The following EIF2AK4 variants were observed in gnomAD, a reference collection of about 807,000 sequenced individuals.
The protein encoded by EIF2AK4 is eukaryotic translation initiation factor 2 alpha kinase 4.
Under a neutral mutation model 211.1 loss-of-function variants are expected in EIF2AK4, and 139 were observed. The observed-to-expected ratio is 0.66, with a 90% CI of 0.57 to 0.76. EIF2AK4 has a LOEUF of 0.76. Among genes scored for constraint, EIF2AK4 ranks in the 30% least tolerant of loss-of-function variants. EIF2AK4 has a pLI of 0.00. For missense variants in EIF2AK4, 1,664 were observed against 2,043.8 expected, an observed-to-expected ratio of 0.81 and a Z score of 3.58; for synonymous variants, 710 against 751.3, an observed-to-expected ratio of 0.94 and a Z score of 0.90.
At chr15:40,014,329 C>T (rs1233580736) in intron 27 of EIF2AK4, among the ~76,000 whole-genome samples, 1 of 152,262 alleles carries the variant, frequency 6.6e-6, no homozygotes, top group African/African-American at 2.4e-5. Flanking sequence ...GAGCCCCACC[C>T]CTGCAGCAAA....
intron 16 of EIF2AK4, among the ~76,000 whole-genome samples, chr15:39,990,709 T>C (rs1474264769): frequency 6.6e-6 from 1 of 152,250 alleles, no homozygotes; most frequent in African/African-American, 2.4e-5. Context: ...CAGAGGCTTT[T>C]GTTGGTTTGG....
At chr15:39,943,279 A>T in intron 2 of EIF2AK4, 104 bp from the exon 3 acceptor site, 1 of 821,628 alleles carries the variant, frequency 1.2e-6, no homozygotes, top group Non-Finnish European at 1.8e-6. Flanking sequence ...TTTGAGATTA[A>T]GGGCCTTGGG....
At chr15:39,964,799 A>C (rs1403264541) in intron 7 of EIF2AK4, among the ~76,000 whole-genome samples, 2 of 152,202 alleles carry the variant, frequency 1.3e-5, no homozygotes, top group Non-Finnish European at 2.9e-5. Flanking sequence ...ACTATCACTA[A>C]ATAAATGTGT....
intron 19 of EIF2AK4, among the ~76,000 whole-genome samples, chr15:39,997,982 C>T (rs1294554856): frequency 6.6e-6 from 1 of 152,180 alleles, no homozygotes; most frequent in Non-Finnish European, 1.5e-5. Flanking sequence ...TAAGAATACT[C>T]CTGTATTCCA....
chr15:39,968,891 T>TATATATATATAC lies in EIF2AK4; in HGVS notation c.1553+1013_1553+1014insTATATATATACA, dbSNP rs139536340. Among the ~76,000 whole-genome samples the TATATATATATAC allele has an allele frequency of 6.0e-3, 902 of 149,170 alleles. 16 individuals are homozygous for TATATATATATAC. Among genetic ancestry groups the TATATATATATAC allele is most frequent in the African/African-American group, 0.021 (846 of 40,790 alleles). ...TGAATATGATATATATATATATATA[T>TATATATATATAC]ACACACACATACATACAGTTGTGGA... On this transcript the variant is annotated intron_variant, in intron 9 of 38. Transcript: ENST00000263791.
chr15:39,993,925 T>C (rs750956684), intron 18 of EIF2AK4, among the ~76,000 whole-genome samples: 5 of 152,112 alleles, frequency 3.3e-5, no homozygotes, highest in Non-Finnish European at 5.9e-5. Flanking sequence ...ATGGAAGGGA[T>C]GTTGGATGAG....
At chr15:40,014,397 C>T (rs931528792) in intron 27 of EIF2AK4, among the ~76,000 whole-genome samples, 7 of 152,230 alleles carry the variant, frequency 4.6e-5, no homozygotes, top group African/African-American at 1.7e-4. Flanking sequence ...GCGGAGGTTC[C>T]CAAACCTCAA....
At chr15:39,994,927 C>T (rs561211196) in intron 18 of EIF2AK4, among the ~76,000 whole-genome samples, 1 of 152,050 alleles carries the variant, frequency 6.6e-6, no homozygotes, top group Admixed American at 6.5e-5. Flanking sequence ...CTGCAACCTC[C>T]GCCTCCCAGG....
In EIF2AK4 at chr15:39,967,619, C is replaced by T. The variant is rs2034563068; in HGVS notation, c.1293C>T (p.Val431=). The change falls in exon 9 of 39, where the codon GTC becomes GTT. Residue 431 remains valine (V), a synonymous_variant. Coordinates refer to ENST00000263791, the MANE Select transcript of EIF2AK4 (RefSeq NM_001013703.4). ...VVHKVLSASN[V]LVDAEGTVKI... Reference sequence around the variant, plus strand: ...ATAAGGTCCTGAGTGCATCTAATGTCTTGGTGGATGCAGAAGGCACCGTCA... The same window carrying T: ...ATAAGGTCCTGAGTGCATCTAATGTTTTGGTGGATGCAGAAGGCACCGTCA... 6.2e-7 allele frequency: 1 copy of T among 1,614,158 alleles called. No homozygotes were observed. Among genetic ancestry groups the T allele is most frequent in the African/African-American group, 1.3e-5 (1 of 75,030 alleles).
chr15:39,941,225 TC>T (rs2034140392), intron 2 of EIF2AK4, among the ~76,000 whole-genome samples: 1 of 152,206 alleles, frequency 6.6e-6, no homozygotes. Flanking sequence ...AACTTGATCT[TC>T]AGCCCCCTAC....
intron 13 of EIF2AK4, among the ~76,000 whole-genome samples, chr15:39,982,189 G>A (rs1418768678): frequency 2.0e-5 from 3 of 152,198 alleles, no homozygotes; most frequent in Non-Finnish European, 4.4e-5. Context: ...CTCCCAAAGT[G>A]CTGGGATTAC....
At chr15:39,985,573 C>T (rs2034853159) in intron 13 of EIF2AK4, among the ~76,000 whole-genome samples, 2 of 152,144 alleles carry the variant, frequency 1.3e-5, no homozygotes, top group Non-Finnish European at 2.9e-5. Flanking sequence ...AGACCAATAA[C>T]AAGTTCTGAA....
rs1405280315 is a variant in EIF2AK4, at chr15:40,034,329, G to A, written c.4777G>A (p.Asp1593Asn). 6.2e-7 allele frequency: 1 copy of A among 1,612,300 alleles called. No individual in the cohort carries two copies. Among genetic ancestry groups the A allele is most frequent in the South Asian group, 1.1e-5 (1 of 90,688 alleles). Residue 1593 changes from aspartate (D) to asparagine (N), a missense_variant, in exon 38 of 39, where the codon GAT (aspartate) becomes AAT (asparagine). Physicochemically the swap from Asp to Asn is conservative, Grantham distance 23. Around this residue, in one of 7 missense-constraint regions of EIF2AK4, gnomAD observed 138 missense variants for 165.1 expected, o/e 0.84. Transcript: ENST00000263791. The part of the protein sequence containing the change: ...TILQFLSLEW[D>N]ADEQAFNTTV... ...GTCTTATCTATTTTTTTCCTAGTGGGATGCTGATGAACAGGCATTTAACAC... is the reference window on the plus strand; with the variant it reads ...GTCTTATCTATTTTTTTCCTAGTGGAATGCTGATGAACAGGCATTTAACAC...
chr15:39,966,853 G>C (rs28617639), intron 8 of EIF2AK4, among the ~76,000 whole-genome samples: 3 of 151,188 alleles, frequency 2.0e-5, no homozygotes, highest in Non-Finnish European at 4.4e-5. Flanking sequence ...TTTTTTTTCT[G>C]TCTTCAACCT....
chr15:39,985,777 G>T, intron 13 of EIF2AK4, 28 bp from the exon 14 acceptor site: 1 of 1,612,424 alleles, frequency 6.2e-7, no homozygotes, highest in South Asian at 1.1e-5. Context: ...CCTCCATTTT[G>T]AGTTATTGTG....
Position 40,030,222 on chromosome 15 carries a change from A to C in EIF2AK4, c.4562-137A>C, listed in dbSNP as rs1054951701. On this transcript the variant is annotated intron_variant, in intron 34 of 38. Coordinates refer to ENST00000263791, the MANE Select transcript of EIF2AK4 (RefSeq NM_001013703.4). Reference sequence around the variant, plus strand: ...CCGGTGCAGATGGTTGTAGGGATAGAAAACACAGCCCAGTCGTGATCTAGC... The same window carrying C: ...CCGGTGCAGATGGTTGTAGGGATAGCAAACACAGCCCAGTCGTGATCTAGC... The C allele has an allele frequency of 9.5e-6, 8 of 845,674 alleles. No homozygotes were observed. In the African/African-American group the frequency reaches 1.4e-4, roughly 14 times the overall value. The allele number at this position is 845,674 out of a possible 1,614,324, so 52.4% of individuals were successfully genotyped here.
intron 13 of EIF2AK4, among the ~76,000 whole-genome samples, chr15:39,978,732 A>T (rs1162558480): frequency 3.3e-5 from 5 of 152,162 alleles, no homozygotes; most frequent in African/African-American, 9.7e-5. Flanking sequence ...AATCACAAAA[A>T]ATCTCATAAT....
At chr15:40,004,960 C>T (rs1165623190) in intron 23 of EIF2AK4, among the ~76,000 whole-genome samples, 5 of 152,062 alleles carry the variant, frequency 3.3e-5, no homozygotes, top group Non-Finnish European at 5.9e-5. Flanking sequence ...TCCACGTATC[C>T]AGCCAACTGT....
intron 1 of EIF2AK4, among the ~76,000 whole-genome samples, chr15:39,935,463 G>A (rs547121792): frequency 6.6e-6 from 1 of 151,906 alleles, no homozygotes; most frequent in Admixed American, 6.6e-5. Context: ...TCAAGTACCT[G>A]GGACTACAGG....
Sources: gnomAD v4.1 joint callset for allele counts (sites outside exome capture counted in the v4.1 genomes callset) on GRCh38, gnomAD v4.1.1 for gene constraint, gnomAD v4.1.1 regional missense constraint, MANE v1.5 for transcripts, NCBI Gene and HGNC (gene_info 2026-07-23, HGNC 2026-07-21) for gene names.